The following LPA variants were observed in gnomAD, a reference collection of about 807,000 sequenced individuals.
LPA encodes the protein lipoprotein(a).
Under a neutral mutation model 197.9 loss-of-function variants are expected in LPA, and 199 were observed. The observed-to-expected ratio is 1.01, with a 90% CI of 0.90 to 1.13. LPA has a LOEUF of 1.13. Among genes scored for constraint, LPA ranks in the 50% most tolerant of loss-of-function variants. The pLI is 0.00. For synonymous variants in LPA, 715 were observed against 639.5 expected (o/e 1.12, Z -1.78); for missense variants, 1,853 against 1,785.8 (o/e 1.04, Z -0.68).
chr6:160,655,221 A>G (rs543542933), intron 1 of LPA, among the ~76,000 whole-genome samples: 13 of 152,222 alleles, frequency 8.5e-5, no homozygotes, highest in Non-Finnish European at 1.6e-4. Flanking sequence ...GCCCAATAAC[A>G]GACCAATAGC....
Position 160,542,761 on chromosome 6 carries a change from A to G in LPA, c.5446T>C (p.Cys1816Arg), listed in dbSNP as rs986879256. Residue 1816 changes from cysteine to arginine, a missense_variant, in exon 34 of 39, where the codon TGT (cysteine) becomes CGT (arginine). By Grantham distance (180) the Cys-to-Arg change is radical (BLOSUM62 -3). This residue lies in a region of LPA where 1,737 missense variants were observed against 1,504.4 expected (regional missense o/e 1.15). Transcript: ENST00000316300. ...CACCCCCCTACAATGCTTCCAGGAC[A>G]TTTCTTCGGCTCCACTTGAGGCTTC... ...CGKPQVEPKK[C>R]PGSIVGGCVA... The G allele has an allele frequency of 6.2e-7, 1 of 1,613,980 alleles. No homozygotes were observed. The highest frequency in any genetic ancestry group is 1.3e-5 in the African/African-American group (1 of 74,918).
intron 17 of LPA, among the ~76,000 whole-genome samples, 196 bp downstream of exon 17, chr6:160,606,281 C>T (rs532614584): frequency 6.6e-6 from 1 of 152,150 alleles, no homozygotes; most frequent in South Asian, 2.1e-4. Context: ...TCTAAAGACA[C>T]AGCCCACCCA....
intron 1 of LPA, among the ~76,000 whole-genome samples, chr6:160,656,067 TAG>T (rs918014815): frequency 1.3e-5 from 2 of 152,184 alleles, no homozygotes; most frequent in Non-Finnish European, 2.9e-5. Flanking sequence ...CCACAACTGG[TAG>T]AGCAGCTGCA....
At chr6:160,566,828 AG>A (rs1378914236) in intron 28 of LPA, among the ~76,000 whole-genome samples, 3 of 152,178 alleles carry the variant, frequency 2.0e-5, no homozygotes, top group Non-Finnish European at 2.9e-5. Context: ...CAACAAAAAA[AG>A]CAGGGGTTGC....
rs1562331233 is a variant in LPA, at chr6:160,584,230, CTT to C, written c.4289+814_4289+815del. Among the ~76,000 whole-genome samples the C allele has an allele frequency of 9.8e-3, 928 of 94,878 alleles. 5 individuals are homozygous for C. Among genetic ancestry groups the C allele is most frequent in the Middle Eastern group, 0.028 (6 of 212 alleles). 62.2% of individuals were successfully genotyped at this position (94,878 alleles called of 152,430 possible). A position where few individuals can be genotyped will look rare whatever the true frequency, so the allele number is the denominator to read the frequency against. On this transcript the variant is annotated intron_variant, in intron 26 of 38. Coordinates refer to ENST00000316300, the MANE Select transcript of LPA (RefSeq NM_005577.4). Reference sequence around the variant, plus strand: ...TCTTCTTCTTCTTCTTCTTCTTCTTCTTCTTCTTCCTCCTCCTCCTCCTCCTC... The same window carrying C: ...TCTTCTTCTTCTTCTTCTTCTTCTTCCTTCTTCCTCCTCCTCCTCCTCCTC...
chr6:160,586,904 A>G (rs1320338376), intron 24 of LPA, among the ~76,000 whole-genome samples: 1 of 152,154 alleles, frequency 6.6e-6, no homozygotes, highest in Non-Finnish European at 1.5e-5. Context: ...GGATCAGAAT[A>G]CCCTCCTTCT....
At chr6:160,587,969 C>T (rs1019454717) in intron 24 of LPA, among the ~76,000 whole-genome samples, 10 of 152,060 alleles carry the variant, frequency 6.6e-5, no homozygotes, top group South Asian at 2.1e-4. Context: ...TTTGGCTCTC[C>T]GGTTCTTTTC....
rs2115039719 is a variant in LPA, at chr6:160,586,596, C to T, written c.3982G>A (p.Ala1328Thr). Residue 1328 changes from alanine (A) to threonine (T), a missense_variant, in exon 25 of 39, where the codon GCT (alanine) becomes ACT (threonine). By Grantham distance (58) the Ala-to-Thr change is moderately conservative (BLOSUM62 0). Around this residue, in one of 3 missense-constraint regions of LPA, gnomAD observed 1,737 missense variants for 1,504.4 expected, o/e 1.15. Transcript: ENST00000316300. ...GTATAACACCAAGGGCGAATCTCAG[C>T]ATCTGGATTCCTGCAGTAGTTCCTG... is the stretch of plus-strand genomic sequence containing the variant. ...LTRNYCRNPDAEIRPWCYTMD... is the reference protein window; with the variant it reads ...LTRNYCRNPDTEIRPWCYTMD... 6.2e-7 allele frequency: 1 copy of T among 1,613,762 alleles called. No homozygotes were observed. The highest frequency in any genetic ancestry group is 1.1e-5 in the South Asian group (1 of 91,078).
chr6:160,540,040 T>A lies in LPA; in HGVS notation c.5735+3A>T. The A allele has an allele frequency of 6.2e-7, 1 of 1,613,916 alleles. No homozygotes were observed. Among genetic ancestry groups the A allele is most frequent in the Non-Finnish European group, 8.5e-7 (1 of 1,179,984 alleles). On this transcript the variant is annotated splice_donor_region_variant and intron_variant, in intron 36 of 38. Coordinates refer to ENST00000316300, the MANE Select transcript of LPA (RefSeq NM_005577.4). ...GGGGTGAAGACCACAGGTGAGCGAG[T>A]ACCTGCTTAGCTTTAGCAAGGCAAT...
intron 2 of LPA, among the ~76,000 whole-genome samples, chr6:160,647,230 C>A (rs566995672): frequency 6.6e-6 from 1 of 152,278 alleles, no homozygotes; most frequent in South Asian, 2.1e-4. Context: ...ACTAAGAGAT[C>A]TGAAGAGGTC....
In LPA at chr6:160,531,647, G is replaced by C; in HGVS notation, c.*82C>G. ...GGAACAGTGTCTTCGTTTGATTGCT[G>C]TCTATTATTTCCAGCATGCTAAATC... On this transcript the variant is annotated 3_prime_UTR_variant, in exon 39 of 39. Transcript: ENST00000316300. 1 of 1,560,832 alleles carries C rather than the reference G, an allele frequency of 6.4e-7. No individual in the cohort carries two copies. The highest frequency in any genetic ancestry group is 8.8e-7 in the Non-Finnish European group (1 of 1,132,388).
At chr6:160,598,477 G>A (rs1313581936) in intron 20 of LPA, among the ~76,000 whole-genome samples, 2 of 152,184 alleles carry the variant, frequency 1.3e-5, no homozygotes, top group Non-Finnish European at 2.9e-5. Context: ...CCAAGGCATT[G>A]ATGGGTTGAT....
At chr6:160,545,640 C>A in intron 32 of LPA, 107 bp from the exon 33 acceptor site, 1 of 760,270 alleles carries the variant, frequency 1.3e-6, no homozygotes, top group South Asian at 1.4e-5. Flanking sequence ...CAAAAGGGAG[C>A]GTTCCTTCTT....
At chr6:160,591,998 GTT>G (rs1247586806) in intron 22 of LPA, among the ~76,000 whole-genome samples, 1 of 152,172 alleles carries the variant, frequency 6.6e-6, no homozygotes, top group East Asian at 1.9e-4. Flanking sequence ...GTAAATCAGA[GTT>G]TTGCTCTTTA....
intron 26 of LPA, among the ~76,000 whole-genome samples, chr6:160,580,794 A>G (rs183815745): frequency 1.3e-5 from 2 of 152,306 alleles, no homozygotes; most frequent in Admixed American, 6.5e-5. Context: ...AAATGTTTCT[A>G]TACTCTGGAT....
chr6:160,564,970 G>T (rs1189791760), intron 28 of LPA, among the ~76,000 whole-genome samples: 1 of 152,198 alleles, frequency 6.6e-6, no homozygotes, highest in South Asian at 2.1e-4. Flanking sequence ...CAGCAAAGCT[G>T]GGGGAGGGGC....
chr6:160,595,250 A>G, intron 21 of LPA, 104 bp downstream of exon 21: 2 of 1,415,180 alleles, frequency 1.4e-6, no homozygotes, highest in East Asian at 2.3e-5. Flanking sequence ...TCCACATTCT[A>G]CTTGGAATTG....
chr6:160,585,686 G>T (rs556745852), intron 25 of LPA, among the ~76,000 whole-genome samples: 1 of 152,124 alleles, frequency 6.6e-6, no homozygotes, highest in Non-Finnish European at 1.5e-5. Flanking sequence ...AAAGGATCTT[G>T]CATCTAGGAC....
At chr6:160,576,431 T>TATATAC (rs1209983204) in intron 28 of LPA, among the ~76,000 whole-genome samples, 3 of 131,620 alleles carry the variant, frequency 2.3e-5, no homozygotes, top group African/African-American at 8.7e-5. Flanking sequence ...TATATATATA[T>TATATAC]ACACACATGC....
Sources: allele counts gnomAD v4.1 joint callset (sites outside exome capture counted in the v4.1 genomes callset), GRCh38; gene constraint gnomAD v4.1.1; regional missense constraint gnomAD v4.1.1; transcripts MANE v1.5; gene names NCBI Gene and HGNC (gene_info 2026-07-23, HGNC 2026-07-21).